ANKRD45: variants seen among roughly 807,000 people sequenced by gnomAD.
ANKRD45 encodes ankyrin repeat domain 45.
In ANKRD45, 21 loss-of-function variants were observed where a neutral mutation model predicts 28.1. That is an observed-to-expected ratio of 0.75 (90% CI 0.53 to 1.08). The LOEUF (loss-of-function observed/expected upper bound fraction) is 1.08. Among genes scored for constraint, ANKRD45 ranks in the 50% least tolerant of loss-of-function variants. ANKRD45 has a pLI of 0.00. For missense variants in ANKRD45, 261 were observed against 308.7 expected, an observed-to-expected ratio of 0.85 and a Z score of 1.16; for synonymous variants, 86 against 103.9, an observed-to-expected ratio of 0.83 and a Z score of 1.05.
chr1:173,666,096 T>C (rs942229596), intron 1 of ANKRD45, among the ~76,000 whole-genome samples: 2 of 152,206 alleles, frequency 1.3e-5, no homozygotes, highest in East Asian at 1.9e-4. Context: ...AAAAATAGTT[T>C]ATGAAAAATA....
intron 2 of ANKRD45, among the ~76,000 whole-genome samples, chr1:173,648,992 T>C (rs1390789685): frequency 2.0e-5 from 3 of 152,202 alleles, no homozygotes; most frequent in African/African-American, 7.2e-5. Flanking sequence ...TCTTAACCAA[T>C]CTATTACAGA....
Position 173,646,892 on chromosome 1 carries a change from A to G in ANKRD45, c.450T>C (p.Ala150=), listed in dbSNP as rs1168537104. The part of the protein sequence containing the change: ...NFREERARDV[A]ARYSQTECVE... ...CACACTCAGTCTGAGAATATCTAGC[A>G]GCAACATCTCGAGCCCTTTCTTCCC... Residue 150 remains alanine (A), a synonymous_variant, in exon 3 of 6, where the codon GCT becomes GCC. Coordinates refer to ENST00000333279, the MANE Select transcript of ANKRD45 (RefSeq NM_198493.3). 1 of 1,614,208 alleles carries G rather than the reference A, an allele frequency of 6.2e-7. No individual in the cohort carries two copies. Among genetic ancestry groups the G allele is most frequent in the Admixed American group, 1.7e-5 (1 of 60,034 alleles).
In ANKRD45 at chr1:173,659,379, A is replaced by G. The variant is rs373338427; in HGVS notation, c.40T>C (p.Phe14Leu). 1.2e-6 allele frequency: 2 copies of G among 1,603,344 alleles called. No homozygotes were observed. Among genetic ancestry groups the G allele is most frequent in the Non-Finnish European group, 1.7e-6 (2 of 1,176,626 alleles). Residue 14 changes from phenylalanine (F) to leucine (L), a missense_variant, in exon 2 of 6, where the codon TTT becomes CTT. Transcript: ENST00000333279. ...EGPPESESSEFFSQQEEENEE... is the reference protein window; with the variant it reads ...EGPPESESSELFSQQEEENEE... Reference sequence around the variant, plus strand: ...TTTTCCTCTTCTTGCTGTGAGAAAAATTCTGAACTCTCTGACTCTGGAGGT... The same window carrying G: ...TTTTCCTCTTCTTGCTGTGAGAAAAGTTCTGAACTCTCTGACTCTGGAGGT...
chr1:173,651,908 G>T (rs1292384077), intron 2 of ANKRD45, among the ~76,000 whole-genome samples: 1 of 152,084 alleles, frequency 6.6e-6, no homozygotes. Flanking sequence ...TCTGTTATTG[G>T]CGTATAGGAA....
the ANKRD45 span, among the ~76,000 whole-genome samples, chr1:173,677,767 C>T: frequency 6.6e-6 from 1 of 151,908 alleles, no homozygotes; most frequent in Non-Finnish European, 1.5e-5. Context: ...ATGTAATAAC[C>T]TTAATTTTAA....
intron 2 of ANKRD45, among the ~76,000 whole-genome samples, chr1:173,654,626 A>G (rs1318318441): frequency 6.6e-6 from 1 of 152,130 alleles, no homozygotes; most frequent in African/African-American, 2.4e-5. Context: ...TGAATTTCCT[A>G]AATTTGAATG....
the ANKRD45 span, among the ~76,000 whole-genome samples, chr1:173,702,428 G>C: frequency 1.3e-5 from 2 of 152,130 alleles, no homozygotes; most frequent in Non-Finnish European, 2.9e-5. Flanking sequence ...AAAGAGGATG[G>C]GCTCCAAAGC....
chr1:173,614,206 A>G (rs1244556874), intron 5 of ANKRD45, among the ~76,000 whole-genome samples: 1 of 152,034 alleles, frequency 6.6e-6, no homozygotes, highest in Non-Finnish European at 1.5e-5. Context: ...CCTTCCCTGC[A>G]CTATTGTCCT....
At chr1:173,619,166 C>T (rs542203885) in intron 5 of ANKRD45, among the ~76,000 whole-genome samples, 23 of 152,304 alleles carry the variant, frequency 1.5e-4, no homozygotes, top group African/African-American at 5.1e-4. Flanking sequence ...AAACCCATTA[C>T]CAGCCACTAC....
chr1:173,698,774 GCAAA>G, the ANKRD45 span, among the ~76,000 whole-genome samples: 1 of 152,004 alleles, frequency 6.6e-6, no homozygotes, highest in African/African-American at 2.4e-5. Context: ...AGAAGCAAGA[GCAAA>G]CAGATTCCAA....
the ANKRD45 span, among the ~76,000 whole-genome samples, chr1:173,697,697 G>A: frequency 6.6e-6 from 1 of 152,204 alleles, no homozygotes; most frequent in African/African-American, 2.4e-5. Flanking sequence ...ACCGGTATCA[G>A]CTACTGCAAA....
At chr1:173,642,167 T>C (rs975363278) in intron 3 of ANKRD45, among the ~76,000 whole-genome samples, 14 of 152,206 alleles carry the variant, frequency 9.2e-5, no homozygotes, top group Non-Finnish European at 1.9e-4. Context: ...TGATCCTTTT[T>C]CTAAAAGACA....
chr1:173,702,145 T>C, the ANKRD45 span, among the ~76,000 whole-genome samples: 1 of 152,158 alleles, frequency 6.6e-6, no homozygotes, highest in African/African-American at 2.4e-5. Flanking sequence ...CAACATGATC[T>C]TGGAGGGGGA....
chr1:173,654,067 A>G (rs1669377053), intron 2 of ANKRD45, among the ~76,000 whole-genome samples: 1 of 151,916 alleles, frequency 6.6e-6, no homozygotes. Context: ...CCAATTTGCC[A>G]GTCAGTGTCT....
intron 3 of ANKRD45, among the ~76,000 whole-genome samples, 181 bp from the exon 4 acceptor site, chr1:173,627,340 T>C (rs1383048156): frequency 6.6e-6 from 1 of 152,110 alleles, no homozygotes; most frequent in Non-Finnish European, 1.5e-5. Context: ...AGTAGCTCCT[T>C]TTAACATCAT....
chr1:173,669,387 A>AT (rs1372439332), intron 1 of ANKRD45: 1 of 435,284 alleles, frequency 2.3e-6, no homozygotes, highest in South Asian at 1.6e-5. Context: ...AAGCCAACTG[A>AT]TTTTTTTCTT....
In ANKRD45 at chr1:173,659,136, C is replaced by T. The variant is rs373011016; in HGVS notation, c.283G>A (p.Ala95Thr). ...CMAGQSDVIR[A>T]LAKYGVNLNE... ...AGATTCACACCATATTTTGCCAAAGCTCTAATCACGTCACTTTGCCCAGCC... is the reference window on the plus strand; with the variant it reads ...AGATTCACACCATATTTTGCCAAAGTTCTAATCACGTCACTTTGCCCAGCC... Residue 95 changes from alanine (A) to threonine (T), a missense_variant, in exon 2 of 6, where the codon GCT becomes ACT. Transcript: ENST00000333279. 48 of 1,614,032 alleles carry T rather than the reference C, an allele frequency of 3.0e-5. No homozygotes were observed. In the South Asian group the frequency reaches 5.1e-4, roughly 17 times the overall value.
chr1:173,702,607 A>T, the ANKRD45 span, among the ~76,000 whole-genome samples: 8 of 149,852 alleles, frequency 5.3e-5, no homozygotes, highest in African/African-American at 2.0e-4. Context: ...GAGAAGGAGG[A>T]AGGAGGAAGG....
chr1:173,626,315 C>T (rs1667936000), intron 4 of ANKRD45, among the ~76,000 whole-genome samples: 1 of 152,110 alleles, frequency 6.6e-6, no homozygotes, highest in African/African-American at 2.4e-5. Flanking sequence ...TTTAAATGTA[C>T]ATTCAGAGCA....
Sources: allele counts gnomAD v4.1 joint callset (sites outside exome capture counted in the v4.1 genomes callset), GRCh38; gene constraint gnomAD v4.1.1; transcripts MANE v1.5; gene names NCBI Gene and HGNC (gene_info 2026-07-23, HGNC 2026-07-21).